Variants in MALRD1 observed in about 807,000 individuals in gnomAD.
MALRD1 encodes the protein MAM and LDL-receptor class A domain-containing protein 1.
A neutral mutation model predicts 242.1 loss-of-function variants in MALRD1; 247 were observed. That is an observed-to-expected ratio of 1.02 (90% CI 0.92 to 1.13). The LOEUF (loss-of-function observed/expected upper bound fraction) is 1.13, where lower values mean the gene tolerates loss of function less well. Ranked by LOEUF, MALRD1 falls within the 50% of genes most tolerant of loss-of-function variation. MALRD1 has a pLI of 0.00. For synonymous variants in MALRD1, 995 were observed against 866.6 expected, an observed-to-expected ratio of 1.15 and a Z score of -2.60; for missense variants, 2,989 against 2,533.1, an observed-to-expected ratio of 1.18 and a Z score of -3.86.
Position 19,088,149 on chromosome 10 carries a change from A to G in MALRD1, c.561A>G (p.Arg187=). Residue 187 remains arginine (R), a synonymous_variant, in exon 4 of 40, where the codon AGA becomes AGG. Coordinates refer to ENST00000454679, the MANE Select transcript of MALRD1 (RefSeq NM_001142308.3). ...NTAALPNQWE[R]NVIKIQSSQR... is the part of the protein sequence containing the mutation. ...CTGCACTCCCAAATCAGTGGGAGAG[A>G]AATGTCATCAAAATCCAGAGTTCAC... 1 of 1,233,488 alleles carries G rather than the reference A, an allele frequency of 8.1e-7. No individual in the cohort carries two copies. Among genetic ancestry groups the G allele is most frequent in the South Asian group, 4.1e-5 (1 of 24,416 alleles). The allele number at this position is 1,233,488 out of a possible 1,614,324, so 76.4% of individuals were successfully genotyped here.
chr10:19,426,524 G>A (rs1305480846), intron 28 of MALRD1, among the ~76,000 whole-genome samples: 3 of 152,112 alleles, frequency 2.0e-5, no homozygotes, highest in African/African-American at 7.2e-5. Context: ...AGCTTTGGCT[G>A]GGCACGGTGG....
intron 38 of MALRD1, among the ~76,000 whole-genome samples, chr10:19,703,384 T>C (rs1833707386): frequency 6.6e-6 from 1 of 152,138 alleles, no homozygotes; most frequent in African/African-American, 2.4e-5. Flanking sequence ...TACAGGGAAA[T>C]ATACCAAGGC....
intron 26 of MALRD1, among the ~76,000 whole-genome samples, chr10:19,384,533 A>G (rs1433357563): frequency 4.2e-5 from 5 of 118,760 alleles, no homozygotes; most frequent in African/African-American, 9.8e-5. Context: ...AGTGTATATA[A>G]TATATTTACT....
chr10:19,725,359 C>T (rs1158271491), intron 38 of MALRD1, among the ~76,000 whole-genome samples: 1 of 152,112 alleles, frequency 6.6e-6, no homozygotes, highest in Non-Finnish European at 1.5e-5. Context: ...TTTTGCTCTG[C>T]ACTTCTGGCT....
rs567299946 is a variant in MALRD1, at chr10:19,209,512, C to T, written c.2823C>T (p.Cys941=). ...PILNATDTKG[C]TFRFYYHMFG... ...TTAATGCCACTGATACAAAAGGCTG[C>T]ACCTTCCGCTTCTATTACCACATGT... The change falls in exon 18 of 40, where the codon TGC becomes TGT. Residue 941 remains cysteine, a synonymous_variant. Transcript: ENST00000454679. 3.9e-6 allele frequency: 6 copies of T among 1,550,730 alleles called. No homozygotes were observed. In the African/African-American group the frequency reaches 4.1e-5, roughly 11 times the overall value.
intron 26 of MALRD1, among the ~76,000 whole-genome samples, chr10:19,382,770 G>T (rs1367632883): frequency 6.6e-6 from 1 of 152,108 alleles, no homozygotes; most frequent in Non-Finnish European, 1.5e-5. Flanking sequence ...GGAGCTGTTA[G>T]TATACTAGAA....
intron 29 of MALRD1, among the ~76,000 whole-genome samples, chr10:19,468,047 G>C (rs1210455552): frequency 6.6e-6 from 1 of 151,994 alleles, no homozygotes; most frequent in African/African-American, 2.4e-5. Flanking sequence ...ACCTGCCTCA[G>C]CCTCCCAAAG....
chr10:19,378,076 G>A (rs987141432), intron 26 of MALRD1, among the ~76,000 whole-genome samples: 2 of 152,030 alleles, frequency 1.3e-5, no homozygotes, highest in Non-Finnish European at 2.9e-5. Context: ...GAAACATTAT[G>A]CATTTAGCTT....
intron 21 of MALRD1, among the ~76,000 whole-genome samples, chr10:19,304,323 T>C (rs1223138422): frequency 1.3e-5 from 2 of 150,346 alleles, no homozygotes; most frequent in Non-Finnish European, 3.0e-5. Context: ...ACAATGTCTG[T>C]CTGTCTATCC....
At chr10:19,374,930 C>A (rs1436957729) in intron 26 of MALRD1, among the ~76,000 whole-genome samples, 1 of 152,104 alleles carries the variant, frequency 6.6e-6, no homozygotes, top group East Asian at 1.9e-4. Context: ...AATTGTAAAT[C>A]AGAAGCAAAG....
chr10:19,270,846 A>G (rs1427898106), intron 19 of MALRD1, among the ~76,000 whole-genome samples: 6 of 149,446 alleles, frequency 4.0e-5, no homozygotes, highest in Admixed American at 2.0e-4. Context: ...ACACACACGC[A>G]CACACAAAAT....
intron 31 of MALRD1, among the ~76,000 whole-genome samples, chr10:19,499,911 A>G (rs976527007): frequency 2.6e-5 from 4 of 152,212 alleles, no homozygotes; most frequent in South Asian, 2.1e-4. Context: ...GGTGAATCAC[A>G]TGTACTGATT....
intron 24 of MALRD1, among the ~76,000 whole-genome samples, chr10:19,333,792 T>C (rs1333529286): frequency 6.6e-6 from 1 of 152,112 alleles, no homozygotes; most frequent in East Asian, 1.9e-4. Context: ...CTTTTCTCGG[T>C]AACCTCGCCA....
chr10:19,638,356 C>T (rs965939343), intron 36 of MALRD1, among the ~76,000 whole-genome samples: 15 of 151,884 alleles, frequency 9.9e-5, no homozygotes, highest in African/African-American at 3.4e-4. Context: ...AGATTGTTTA[C>T]AGAGACTGAA....
intron 18 of MALRD1, among the ~76,000 whole-genome samples, chr10:19,257,059 G>A (rs753074501): frequency 3.3e-5 from 5 of 152,030 alleles, no homozygotes; most frequent in Non-Finnish European, 7.4e-5. Context: ...TCTATATGTG[G>A]TATTTCATAT....
intron 30 of MALRD1, among the ~76,000 whole-genome samples, chr10:19,494,092 GATTAA>G (rs1837612552): frequency 6.6e-6 from 1 of 152,136 alleles, no homozygotes; most frequent in African/African-American, 2.4e-5. Flanking sequence ...GGAGCCACAT[GATTAA>G]GAGCCTACCT....
At chr10:19,242,133 C>T (rs189374380) in intron 18 of MALRD1, among the ~76,000 whole-genome samples, 237 of 152,232 alleles carry the variant, frequency 1.6e-3, no homozygotes, top group Non-Finnish European at 3.1e-3. Flanking sequence ...CTCATAGTTC[C>T]ACTTGGCTGG....
intron 28 of MALRD1, among the ~76,000 whole-genome samples, chr10:19,428,455 T>C (rs1833985557): frequency 6.6e-6 from 1 of 152,100 alleles, no homozygotes; most frequent in Non-Finnish European, 1.5e-5. Flanking sequence ...GACTTTTCTA[T>C]CTCATGGTAA....
chr10:19,130,599 C>G (rs1051255671), intron 8 of MALRD1, among the ~76,000 whole-genome samples: 1 of 151,898 alleles, frequency 6.6e-6, no homozygotes, highest in Admixed American at 6.6e-5. Flanking sequence ...TTAATCTGCT[C>G]TGAAAATGAG....
Sources: allele counts gnomAD v4.1 joint callset (sites outside exome capture counted in the v4.1 genomes callset), GRCh38; gene constraint gnomAD v4.1.1; transcripts MANE v1.5; gene names NCBI Gene and HGNC (gene_info 2026-07-23, HGNC 2026-07-21).